The following OXCT1 variants were observed in gnomAD, a reference collection of about 807,000 sequenced individuals.
OXCT1 encodes the protein 3-oxoacid CoA-transferase 1, also known as succinyl-CoA:3-ketoacid coenzyme A transferase 1, mitochondrial.
Under a neutral mutation model 69.6 loss-of-function variants are expected in OXCT1, and 27 were observed. The ratio of observed to expected loss-of-function variants is 0.39; its 90% CI spans 0.29 to 0.54. The LOEUF is 0.54. Among genes scored for constraint, OXCT1 ranks in the 20% least tolerant of loss-of-function variants. OXCT1 has a pLI of 0.72. For missense variants in OXCT1, 437 were observed against 650.2 expected (o/e 0.67, Z 3.57); for synonymous variants, 202 against 217.8 (o/e 0.93, Z 0.64).
intron 7 of OXCT1, among the ~76,000 whole-genome samples, chr5:41,817,602 AC>A (rs1561101045): frequency 6.6e-6 from 1 of 152,128 alleles, no homozygotes; most frequent in Non-Finnish European, 1.5e-5. Context: ...TATCTTCAAT[AC>A]CCCTCTGTAC....
chr5:41,802,581 T>C (rs1186232882), intron 10 of OXCT1, among the ~76,000 whole-genome samples: 2 of 152,058 alleles, frequency 1.3e-5, no homozygotes, highest in Non-Finnish European at 2.9e-5. Flanking sequence ...TGTCCTAAAG[T>C]AGAAACCTTA....
intron 15 of OXCT1, among the ~76,000 whole-genome samples, chr5:41,741,875 T>C (rs1380038049): frequency 3.3e-5 from 5 of 152,254 alleles, no homozygotes; most frequent in Admixed American, 1.3e-4. Context: ...GGAATGTTTG[T>C]ATACTCATTA....
intron 7 of OXCT1, among the ~76,000 whole-genome samples, chr5:41,839,264 G>A (rs1748516405): frequency 6.6e-6 from 1 of 152,254 alleles, no homozygotes; most frequent in Non-Finnish European, 1.5e-5. Context: ...CTTCACCCAG[G>A]ATAATGCATA....
At chr5:41,842,322 A>G (rs764543424) in intron 6 of OXCT1, among the ~76,000 whole-genome samples, 1 of 152,222 alleles carries the variant, frequency 6.6e-6, no homozygotes, top group Non-Finnish European at 1.5e-5. Flanking sequence ...AAGACAATAC[A>G]TGTAAATTAC....
chr5:41,848,142 A>C (rs942075131), intron 5 of OXCT1, among the ~76,000 whole-genome samples: 7 of 150,398 alleles, frequency 4.7e-5, no homozygotes, highest in African/African-American at 1.7e-4. Context: ...AATAACAGAC[A>C]AACAGAGAGC....
intron 1 of OXCT1, among the ~76,000 whole-genome samples, chr5:41,864,472 T>C (rs545328167): frequency 2.0e-5 from 3 of 152,270 alleles, no homozygotes; most frequent in African/African-American, 7.2e-5. Context: ...CCCTCTTTTC[T>C]ATTCATCTGC....
intron 9 of OXCT1, among the ~76,000 whole-genome samples, chr5:41,803,774 GT>G (rs1746534223): frequency 6.6e-6 from 1 of 152,056 alleles, no homozygotes. Flanking sequence ...AGGAGCTGTT[GT>G]TAAGGCATCA....
chr5:41,818,285 G>A (rs1044377010), intron 7 of OXCT1, among the ~76,000 whole-genome samples: 2 of 152,154 alleles, frequency 1.3e-5, no homozygotes, highest in Admixed American at 6.6e-5. Flanking sequence ...CAAAAAGAGG[G>A]AGAACATTCT....
Position 41,802,751 on chromosome 5 carries a change from A to C in OXCT1, c.1050+318T>G, listed in dbSNP as rs145925974. Among the ~76,000 whole-genome samples, 213 of 152,256 alleles carry C rather than the reference A, an allele frequency of 1.4e-3. 1 individual carries two copies. The highest frequency in any genetic ancestry group is 5.0e-3 in the African/African-American group (207 of 41,560). ...GTTCCACATGGGAGACGCAGTCAGA[A>C]AGCCAGAGTCAGGAACGTACCATCT... is the stretch of plus-strand genomic sequence containing the variant. On this transcript the variant is annotated intron_variant, in intron 10 of 16. Transcript: ENST00000196371.
rs1744409952 is a variant in OXCT1, at chr5:41,762,784, C to G, written c.1249-584G>C. On this transcript the variant is annotated intron_variant, in intron 13 of 16. Transcript: ENST00000196371. This position sits in a 1 kb window ranked among gnomAD's most constrained non-coding sequence, Gnocchi z 4.0. ...ACATTCTTGCTAAGCAAAAACAGAA[C>G]ACAGAAACAGAGTTCAGGATCATTT... 2.0e-5 allele frequency among the ~76,000 whole-genome samples: 3 copies of G among 152,024 alleles called. No individual in the cohort carries two copies. The highest frequency in any genetic ancestry group is 2.0e-4 in the Admixed American group (3 of 15,224).
In OXCT1 at chr5:41,731,429, G is replaced by T; in HGVS notation, c.*300C>A. 1 of 1,057,070 alleles carries T rather than the reference G, an allele frequency of 9.5e-7. No individual in the cohort carries two copies. The highest frequency in any genetic ancestry group is 1.2e-6 in the Non-Finnish European group (1 of 852,450). 65.5% of individuals were successfully genotyped at this position (1,057,070 alleles called of 1,614,324 possible). ...TTTCTAGGGCCCTTCTTGGGGAAAG[G>T]TTCATATAATTTAGCATACATACCA... On this transcript the variant is annotated 3_prime_UTR_variant, in exon 17 of 17. Coordinates refer to ENST00000196371, the MANE Select transcript of OXCT1 (RefSeq NM_000436.4).
chr5:41,800,875 G>A, intron 11 of OXCT1, 147 bp downstream of exon 11: 1 of 734,672 alleles, frequency 1.4e-6, no homozygotes, highest in Non-Finnish European at 2.5e-6. Flanking sequence ...CCTGAATGAG[G>A]GGAGACCTCA....
At chr5:41,742,582 T>A (rs1344205873) in intron 15 of OXCT1, among the ~76,000 whole-genome samples, 2 of 152,188 alleles carry the variant, frequency 1.3e-5, no homozygotes, top group African/African-American at 4.8e-5. Flanking sequence ...GCTGCACCCA[T>A]TAACTCTTCA....
At chr5:41,801,141 T>TGTG in intron 10 of OXCT1, 71 bp from the exon 11 acceptor site, 2 of 1,175,396 alleles carry the variant, frequency 1.7e-6, no homozygotes, top group Non-Finnish European at 1.3e-6. Context: ...AACTATAATA[T>TGTG]AAATAACTTC....
At chr5:41,767,188 T>G (rs1263622578) in intron 13 of OXCT1, among the ~76,000 whole-genome samples, 2 of 152,192 alleles carry the variant, frequency 1.3e-5, no homozygotes, top group East Asian at 3.9e-4. Context: ...TGCCTTAGTA[T>G]AGCAGTTATA....
chr5:41,760,509 A>T (rs921475810), intron 14 of OXCT1, among the ~76,000 whole-genome samples: 1 of 152,126 alleles, frequency 6.6e-6, no homozygotes, highest in Non-Finnish European at 1.5e-5. Context: ...GAGGAGAAAG[A>T]AAGGACTTGG....
intron 7 of OXCT1, among the ~76,000 whole-genome samples, chr5:41,820,701 T>C (rs970380697): frequency 6.6e-6 from 1 of 152,138 alleles, no homozygotes; most frequent in African/African-American, 2.4e-5. Flanking sequence ...TCAAGTCTCT[T>C]TGTTCCATGC....
At chr5:41,765,538 T>G (rs567530455) in intron 13 of OXCT1, among the ~76,000 whole-genome samples, 18 of 152,286 alleles carry the variant, frequency 1.2e-4, no homozygotes, top group African/African-American at 4.1e-4. Context: ...TATATTAAAG[T>G]GGTGCCCAAA....
At chr5:41,734,850 G>A (rs917149263) in intron 16 of OXCT1, among the ~76,000 whole-genome samples, 2 of 152,148 alleles carry the variant, frequency 1.3e-5, no homozygotes, top group Admixed American at 6.5e-5. Flanking sequence ...CAGAATATAT[G>A]AGAAACTTTG....
Sources: gnomAD v4.1 joint callset for allele counts (sites outside exome capture counted in the v4.1 genomes callset) on GRCh38, gnomAD v4.1.1 for gene constraint, Gnocchi (gnomAD v3.1) non-coding constraint, MANE v1.5 for transcripts, NCBI Gene and HGNC (gene_info 2026-07-23, HGNC 2026-07-21) for gene names.